Variants in ATP11C observed in about 807,000 individuals in gnomAD.
ATP11C encodes the protein phospholipid-transporting ATPase IG.
ATP11C carries 36 observed loss-of-function variants against 97.4 expected under a neutral mutation model. That is an observed-to-expected ratio of 0.37 (90% CI 0.28 to 0.49). The LOEUF is 0.49. Ranked by LOEUF, ATP11C falls within the 20% of genes least tolerant of loss-of-function variation. ATP11C has a pLI of 0.98. For missense variants in ATP11C, 730 were observed against 824.6 expected (o/e 0.89, Z 1.40); for synonymous variants, 275 against 290.9 (o/e 0.95, Z 0.56).
At chrX:139,858,965 A>G in intron 1 of ATP11C, among the ~76,000 whole-genome samples, 1 of 112,760 alleles carries the variant, frequency 8.9e-6, no homozygotes, top group Non-Finnish European at 1.9e-5. Flanking sequence ...CCGAGTATAC[A>G]TGAGGAAGCA....
At chrX:139,871,643 C>A (rs897731566) in intron 1 of ATP11C, among the ~76,000 whole-genome samples, 1 of 107,679 alleles carries the variant, frequency 9.3e-6, no homozygotes, top group Non-Finnish European at 1.9e-5. Context: ...ACCTCAGCCT[C>A]CTGAGTAGCT....
rs1267376718 is a variant in ATP11C at position 139,782,748 on chromosome X, T to C, written c.1771-20A>G. 7.4e-6 allele frequency: 8 copies of C among 1,079,499 alleles called. No individual in the cohort carries two copies. Among genetic ancestry groups the C allele is most frequent in the African/African-American group, 1.9e-5 (1 of 52,713 alleles). 89.0% of individuals were successfully genotyped at this position (1,079,499 alleles called of 1,213,427 possible). ...CCCATCCTAGGAGTAAAGTAGGAGATCTGTAGTTATTCTAATAATAGTTGG... is the reference window on the plus strand; with the variant it reads ...CCCATCCTAGGAGTAAAGTAGGAGACCTGTAGTTATTCTAATAATAGTTGG... On this transcript the variant is annotated intron_variant, in intron 17 of 29. Transcript: ENST00000682941.
chrX:139,896,968 C>G (rs1485301545), intron 1 of ATP11C, among the ~76,000 whole-genome samples: 2 of 111,166 alleles, frequency 1.8e-5, no homozygotes, highest in Non-Finnish European at 3.8e-5. Flanking sequence ...TGGCTCACGC[C>G]TGAAATCCCA....
rs559226992 is a variant in ATP11C at position 139,873,287 on chromosome X, G to A, written c.28-46464C>T. ...CCAGGGGCTGGGGAGAAAAGAAAAC[G>A]GGAAGTTTATTGTTTAATGAATACA... On this transcript the variant is annotated intron_variant, in intron 1 of 29. Transcript: ENST00000682941. 2.0e-4 allele frequency among the ~76,000 whole-genome samples: 22 copies of A among 112,288 alleles called. No homozygotes were observed. The South Asian group carries it at 6.6e-3, about 34-fold the overall frequency.
chrX:139,887,254 T>C (rs934846681), intron 1 of ATP11C, among the ~76,000 whole-genome samples: 1 of 111,993 alleles, frequency 8.9e-6, no homozygotes, highest in East Asian at 2.8e-4. Context: ...ATAAAATTTC[T>C]AGAAAAAATA....
intron 14 of ATP11C, 112 bp downstream of exon 14, chrX:139,788,076 TTAAA>T (rs2082613505): frequency 1.5e-6 from 1 of 678,550 alleles, no homozygotes; most frequent in Non-Finnish European, 2.1e-6. Context: ...GTGTTTTTTA[TTAAA>T]TAATAGGAGA....
intron 3 of ATP11C, among the ~76,000 whole-genome samples, chrX:139,817,746 T>C (rs1260204478): frequency 8.9e-6 from 1 of 111,931 alleles, no homozygotes; most frequent in Non-Finnish European, 1.9e-5. Context: ...GCGGCAGGCA[T>C]GGAAAGAAGT....
In ATP11C at chrX:139,728,287, T is replaced by C. The variant is rs1375901889; in HGVS notation, c.*679A>G. The C allele has an allele frequency of 1.8e-5, 2 of 111,989 alleles. No individual in the cohort carries two copies. The highest frequency in any genetic ancestry group is 1.9e-4 in the Admixed American group (2 of 10,567). 9.2% of individuals were successfully genotyped at this position (111,989 alleles called of 1,213,427 possible). On this transcript the variant is annotated 3_prime_UTR_variant, in exon 30 of 30. Coordinates refer to ENST00000682941, the MANE Select transcript of ATP11C (RefSeq NM_001353812.2). ...CAGAAGAATAAAAAATAAACAATTT[T>C]TTTCTATTCCCACAAAAATACCCGT...
intron 1 of ATP11C, among the ~76,000 whole-genome samples, chrX:139,878,980 G>A (rs913233349): frequency 2.7e-5 from 3 of 111,032 alleles, no homozygotes; most frequent in Non-Finnish European, 5.7e-5. Context: ...GCATGGTAGC[G>A]TACACTTGTA....
intron 1 of ATP11C, among the ~76,000 whole-genome samples, chrX:139,906,418 A>G (rs2084976693): frequency 3.4e-4 from 1 of 2,905 alleles, no homozygotes; most frequent in Admixed American, 4.3e-3. Context: ...CACTGTCTCC[A>G]AAAAAAACGA....
chrX:139,880,282 G>A (rs779893735), intron 1 of ATP11C, among the ~76,000 whole-genome samples: 1 of 111,583 alleles, frequency 9.0e-6, no homozygotes, highest in African/African-American at 3.3e-5. Context: ...ACTTTAGCAG[G>A]AGAAGGCTTA....
chrX:139,934,118 G>A (rs1342397605), upstream of ATP11C, among the ~76,000 whole-genome samples: 1 of 111,933 alleles, frequency 8.9e-6, no homozygotes, highest in African/African-American at 3.2e-5. Context: ...AGAGGTCGGT[G>A]AAAAAGCGCA....
At chrX:139,885,222 G>A (rs201845977) in intron 1 of ATP11C, among the ~76,000 whole-genome samples, 2 of 109,985 alleles carry the variant, frequency 1.8e-5, no homozygotes, top group East Asian at 2.8e-4. Flanking sequence ...AAAGAGAGGC[G>A]ATACCATACA....
intron 1 of ATP11C, among the ~76,000 whole-genome samples, chrX:139,843,544 T>G (rs1314704463): frequency 8.9e-6 from 1 of 111,942 alleles, no homozygotes; most frequent in Non-Finnish European, 1.9e-5. Context: ...CTCCAATATT[T>G]GCAATTTTAA....
chrX:139,760,605 C>T (rs2148668878), intron 22 of ATP11C, among the ~76,000 whole-genome samples: 1 of 111,421 alleles, frequency 9.0e-6, no homozygotes, highest in South Asian at 3.8e-4. Flanking sequence ...AATACTCTAC[C>T]TACAAACTAG....
Position 139,922,437 on chromosome X carries a change from A to G in ATP11C, c.27+9579T>C, listed in dbSNP as rs141023558. On this transcript the variant is annotated intron_variant, in intron 1 of 29. Transcript: ENST00000682941. ...CTACAGCAAACGTAAGGCATTGAAG[A>G]TCGAGGTTTTGGTGTTTCTGCTGTG... Among the ~76,000 whole-genome samples, 1,045 of 106,490 alleles carry G rather than the reference A, an allele frequency of 9.8e-3. 12 individuals are homozygous for G. The highest frequency in any genetic ancestry group is 0.015 in the Middle Eastern group (3 of 206). 92.5% of individuals were successfully genotyped at this position (106,490 alleles called of 115,157 possible).
chrX:139,771,136 G>A (rs1321092462), intron 19 of ATP11C, among the ~76,000 whole-genome samples: 1 of 111,391 alleles, frequency 9.0e-6, no homozygotes, highest in Non-Finnish European at 1.9e-5. Flanking sequence ...AGGGACCCAG[G>A]GGGAGGTAAC....
At chrX:139,859,358 G>C (rs1316484847) in intron 1 of ATP11C, among the ~76,000 whole-genome samples, 1 of 111,779 alleles carries the variant, frequency 8.9e-6, no homozygotes, top group Non-Finnish European at 1.9e-5. Context: ...TCAACACAAA[G>C]AAATGATAAA....
chrX:139,788,340 G>A lies in ATP11C; in HGVS notation c.1372C>T (p.Arg458Ter). The change falls in exon 14 of 30, where the codon CGA (arginine) becomes TGA (stop). Residue 458 changes from arginine (R) to a stop codon, truncating the protein, a stop_gained. Transcript: ENST00000682941. LOFTEE classifies it high-confidence loss of function. The part of the protein sequence containing the change: ...LTYFDKVDKN[R>*]EELFLRALCL... ...AAGGCACGTAGAAACAGCTCTTCTC[G>A]ATTCTGTGGAACAGCAACAAAATAA... 2 of 1,199,733 alleles carry A rather than the reference G, an allele frequency of 1.7e-6. No individual in the cohort carries two copies. The highest frequency in any genetic ancestry group is 2.3e-4 in the Middle Eastern group (1 of 4,331).
Sources: allele counts gnomAD v4.1 joint callset (sites outside exome capture counted in the v4.1 genomes callset), GRCh38; gene constraint gnomAD v4.1.1; transcripts MANE v1.5; gene names NCBI Gene and HGNC (gene_info 2026-07-23, HGNC 2026-07-21).